Variants in DSCAM observed in about 807,000 individuals in gnomAD.
The protein encoded by DSCAM is DS cell adhesion molecule.
Under a neutral mutation model 217.7 loss-of-function variants are expected in DSCAM, and 47 were observed. The ratio of observed to expected loss-of-function variants is 0.22; its 90% CI spans 0.17 to 0.28. The LOEUF is 0.28. Ranked by LOEUF, DSCAM falls within the 10% of genes least tolerant of loss-of-function variation. DSCAM has a pLI of 1.00. For synonymous variants in DSCAM, 1,056 were observed against 1,015.3 expected, an observed-to-expected ratio of 1.04 and a Z score of -0.76; for missense variants, 2,080 against 2,618.3, an observed-to-expected ratio of 0.79 and a Z score of 4.49.
chr21:40,821,073 T>A (rs868436716), intron 1 of DSCAM, among the ~76,000 whole-genome samples: 1 of 136,086 alleles, frequency 7.3e-6, no homozygotes, highest in Non-Finnish European at 1.6e-5. Flanking sequence ...TCTTCACATA[T>A]AGATCTTCAC....
intron 3 of DSCAM, among the ~76,000 whole-genome samples, chr21:40,426,305 T>C (rs914092131): frequency 3.3e-5 from 5 of 152,248 alleles, no homozygotes; most frequent in African/African-American, 4.8e-5. Context: ...ACAAGATCCA[T>C]GGACAGTTTG....
intron 3 of DSCAM, among the ~76,000 whole-genome samples, chr21:40,536,644 G>C (rs994203156): frequency 4.6e-5 from 7 of 152,260 alleles, no homozygotes; most frequent in East Asian, 1.9e-4. Flanking sequence ...CTGACCTCGT[G>C]ATCCGCCCGC....
intron 32 of DSCAM, among the ~76,000 whole-genome samples, chr21:40,026,840 T>C (rs55849145): frequency 7.8e-6 from 1 of 127,870 alleles, no homozygotes; most frequent in South Asian, 2.5e-4. Flanking sequence ...AATTTGCCAG[T>C]CTGTGTCTTT....
At chr21:40,717,381 C>G (rs1408641186) in intron 1 of DSCAM, among the ~76,000 whole-genome samples, 2 of 152,214 alleles carry the variant, frequency 1.3e-5, no homozygotes, top group Non-Finnish European at 2.9e-5. Flanking sequence ...AAACTGTGAG[C>G]AAATGTTTAA....
rs145082927 is a variant in DSCAM at position 40,077,943 on chromosome 21, C to T, written c.4711+744G>A. On this transcript the variant is annotated intron_variant, in intron 26 of 32. Coordinates refer to ENST00000400454, the MANE Select transcript of DSCAM (RefSeq NM_001389.5). ...GTGAGAAATGAGCATCAGCCCGCTGCTGCTGGGACTTTCTAAAGTTCCCCT... is the reference window on the plus strand; with the variant it reads ...GTGAGAAATGAGCATCAGCCCGCTGTTGCTGGGACTTTCTAAAGTTCCCCT... 4.3e-3 allele frequency among the ~76,000 whole-genome samples: 660 copies of T among 152,334 alleles called. 3 individuals carry two copies. The highest frequency in any genetic ancestry group is 7.8e-3 in the Non-Finnish European group (532 of 68,042).
chr21:40,062,960 T>A, intron 27 of DSCAM, 61 bp from the exon 28 acceptor site: 1 of 1,469,490 alleles, frequency 6.8e-7, no homozygotes, highest in Non-Finnish European at 9.2e-7. Flanking sequence ...CACTTAGGCA[T>A]TTATGACAAA....
chr21:40,767,923 T>C (rs1331518744), intron 1 of DSCAM, among the ~76,000 whole-genome samples: 4 of 152,308 alleles, frequency 2.6e-5, no homozygotes, highest in African/African-American at 9.6e-5. Context: ...CGTGTGTGCA[T>C]GTTACATGGT....
At chr21:40,506,560 A>C (rs2076211734) in intron 3 of DSCAM, among the ~76,000 whole-genome samples, 1 of 152,222 alleles carries the variant, frequency 6.6e-6, no homozygotes, top group South Asian at 2.1e-4. Context: ...CAGATTCAGG[A>C]GAGTTAGCAG....
At chr21:40,349,633 C>A (rs1419615081) in intron 5 of DSCAM, among the ~76,000 whole-genome samples, 3 of 152,150 alleles carry the variant, frequency 2.0e-5, no homozygotes, top group Non-Finnish European at 4.4e-5. Flanking sequence ...TTTGTGTTAT[C>A]TCTATTTTAC....
chr21:40,106,809 T>C (rs1568943178), intron 20 of DSCAM, among the ~76,000 whole-genome samples: 1 of 152,308 alleles, frequency 6.6e-6, no homozygotes, highest in African/African-American at 2.4e-5. Context: ...GTGGGGCCAG[T>C]GGTAACATCC....
chr21:40,595,440 AAAAAG>A (rs1158643311), intron 3 of DSCAM, among the ~76,000 whole-genome samples: 8 of 152,228 alleles, frequency 5.3e-5, no homozygotes, highest in Middle Eastern at 3.4e-3. Context: ...AGAGAAGAGA[AAAAAG>A]AAAAGAAAAG....
intron 1 of DSCAM, among the ~76,000 whole-genome samples, chr21:40,764,564 C>G (rs1214687341): frequency 1.3e-5 from 2 of 152,034 alleles, no homozygotes; most frequent in Non-Finnish European, 2.9e-5. Flanking sequence ...GATCTAGAAC[C>G]AGAAACACCA....
intron 3 of DSCAM, among the ~76,000 whole-genome samples, chr21:40,485,457 T>C (rs932622269): frequency 1.3e-5 from 2 of 151,616 alleles, no homozygotes; most frequent in African/African-American, 2.4e-5. Context: ...TTAGCCAGGA[T>C]GGTCTCCATC....
At chr21:40,291,811 A>G (rs931067264) in intron 10 of DSCAM, among the ~76,000 whole-genome samples, 46 of 152,220 alleles carry the variant, frequency 3.0e-4, no homozygotes, top group African/African-American at 1.0e-3. Context: ...CATTCCCACA[A>G]CCAAGTTTCC....
At chr21:40,534,110 T>C (rs1427135632) in intron 3 of DSCAM, among the ~76,000 whole-genome samples, 9 of 152,168 alleles carry the variant, frequency 5.9e-5, no homozygotes, top group Admixed American at 4.6e-4. Context: ...AGTCAAAATT[T>C]AAACAGGCAG....
chr21:40,714,187 C>A lies in DSCAM; in HGVS notation c.44-5416G>T, dbSNP rs149107674. Among the ~76,000 whole-genome samples the A allele has an allele frequency of 6.8e-3, 1,035 of 152,236 alleles. 20 individuals are homozygous for A. Among genetic ancestry groups the A allele is most frequent in the African/African-American group, 0.024 (984 of 41,534 alleles). ...CCGGCACAAAGAGTCCCCATTAGGG[C>A]GGTGCTGAGACGAATTAATGGGCCA... On this transcript the variant is annotated intron_variant, in intron 1 of 32. Transcript: ENST00000400454.
At chr21:40,586,163 CTT>C (rs2076945246) in intron 3 of DSCAM, among the ~76,000 whole-genome samples, 2 of 152,118 alleles carry the variant, frequency 1.3e-5, no homozygotes, top group Admixed American at 1.3e-4. Context: ...GGTCCGTGCT[CTT>C]TTGTTTCTGT....
chr21:40,185,524 T>A lies in DSCAM; in HGVS notation c.2779+1607A>T, dbSNP rs1601420741. ...CTGCTCCAGTAGGAGAGGTCTCCTG[T>A]GTGCTCCCGCACCAACAGCATGGGC... On this transcript the variant is annotated intron_variant, in intron 14 of 32. Transcript: ENST00000400454. 2.0e-5 allele frequency among the ~76,000 whole-genome samples: 3 copies of A among 152,260 alleles called. No homozygotes were observed. The East Asian group carries it at 5.8e-4, about 30-fold the overall frequency.
At chr21:40,409,352 G>A (rs2075303676) in intron 3 of DSCAM, among the ~76,000 whole-genome samples, 2 of 152,136 alleles carry the variant, frequency 1.3e-5, no homozygotes, top group African/African-American at 4.8e-5. Flanking sequence ...TTATAAATTT[G>A]GAAAACATGC....
Sources: gnomAD v4.1 joint callset for allele counts (sites outside exome capture counted in the v4.1 genomes callset) on GRCh38, gnomAD v4.1.1 for gene constraint, MANE v1.5 for transcripts, NCBI Gene and HGNC (gene_info 2026-07-23, HGNC 2026-07-21) for gene names.